Variants in IRGM observed in about 807,000 individuals in gnomAD.
The protein encoded by IRGM is immunity-related GTPase family M protein.
For missense variants in IRGM, 288 were observed against 219.9 expected, an observed-to-expected ratio of 1.31 and a Z score of -1.96; for synonymous variants, 98 against 80.6, an observed-to-expected ratio of 1.22 and a Z score of -1.16.
At position 150,846,678 on chromosome 5, in the gene IRGM, C is replaced by T. The variant is rs982588266; in HGVS notation, c.-958C>T. On this transcript the variant is annotated 5_prime_UTR_variant, in exon 1 of 2. Coordinates refer to ENST00000522154, the MANE Select transcript of IRGM (RefSeq NM_001145805.2). The stretch of plus-strand genomic sequence containing the variant: ...AGCATCACTCCTGAAACCTGTGAAA[C>T]AACGAACCCCCCGGGGAGAAACGAA... The T allele has an allele frequency of 2.2e-5, 3 of 135,522 alleles. No individual in the cohort carries two copies. The highest frequency in any genetic ancestry group is 1.4e-4 in the Admixed American group (2 of 14,228). 8.4% of individuals were successfully genotyped at this position (135,522 alleles called of 1,614,324 possible).
chr5:150,859,412 G>C (rs1291951263), intron 1 of IRGM, among the ~76,000 whole-genome samples: 2 of 152,156 alleles, frequency 1.3e-5, no homozygotes, highest in Admixed American at 1.3e-4. Context: ...TCTCTGCCAG[G>C]CTTTGGTATC....
downstream of IRGM, among the ~76,000 whole-genome samples, chr5:150,848,997 T>C (rs1463156256): frequency 6.6e-6 from 1 of 151,448 alleles, no homozygotes; most frequent in African/African-American, 2.4e-5. Context: ...TTTTCAAAGG[T>C]GTGGACAGGG....
intron 1 of IRGM, among the ~76,000 whole-genome samples, chr5:150,870,003 C>T (rs530149273): frequency 2.0e-5 from 3 of 152,178 alleles, no homozygotes; most frequent in Non-Finnish European, 2.9e-5. Flanking sequence ...TCCAAAAGAC[C>T]TCCAAAGCCT....
At chr5:150,886,626 G>T (rs1361919801) in intron 3 of IRGM, among the ~76,000 whole-genome samples, 2 of 151,774 alleles carry the variant, frequency 1.3e-5, no homozygotes, top group African/African-American at 4.8e-5. Context: ...GTTCAATCTT[G>T]GGAGCATGTA....
At chr5:150,848,723 T>G, downstream of IRGM, 1 of 1,288,460 alleles carries the variant, frequency 7.8e-7, no homozygotes, top group South Asian at 1.5e-5. Flanking sequence ...CTTTTCTCCT[T>G]TATTTCACTG....
At chr5:150,854,186 A>G (rs940810566) in intron 1 of IRGM, among the ~76,000 whole-genome samples, 21 of 152,042 alleles carry the variant, frequency 1.4e-4, no homozygotes, top group African/African-American at 4.8e-4. Flanking sequence ...AATTGCACCC[A>G]ACACTTTGCT....
At chr5:150,858,533 C>T (rs1036038973) in intron 1 of IRGM, among the ~76,000 whole-genome samples, 59 of 152,218 alleles carry the variant, frequency 3.9e-4, no homozygotes, top group Non-Finnish European at 6.8e-4. Flanking sequence ...GCCATTTTCA[C>T]GATATTGATT....
chr5:150,896,222 G>A, intron 3 of IRGM: 1 of 1,613,538 alleles, frequency 6.2e-7, no homozygotes, highest in South Asian at 1.1e-5. Context: ...GTATAATAAG[G>A]GACGATTTCT....
intron 1 of IRGM, among the ~76,000 whole-genome samples, chr5:150,857,290 C>T (rs1050829407): frequency 6.6e-6 from 1 of 152,134 alleles, no homozygotes; most frequent in African/African-American, 2.4e-5. Context: ...CATAGTATTC[C>T]ATGTTGTATA....
intron 3 of IRGM, chr5:150,895,549 G>A: frequency 6.2e-7 from 1 of 1,613,542 alleles, no homozygotes; most frequent in African/African-American, 1.3e-5. Context: ...TGTAAAACAA[G>A]GTCTGACTTC....
rs374292208 is a variant in IRGM, at chr5:150,880,132, TCA to T, written c.*140+488_*140+489del. Among the ~76,000 whole-genome samples, 6 of 152,342 alleles carry T rather than the reference TCA, an allele frequency of 3.9e-5. No homozygotes were observed. In the East Asian group the frequency reaches 1.2e-3, roughly 29 times the overall value. On this transcript the variant is annotated intron_variant and NMD_transcript_variant, in intron 3 of 3. Coordinates refer to the IRGM transcript ENST00000520549. ...ATTAATTAAATAGTTTTGTATGACT[TCA>T]CTGTCATTATTTGTATAATTGTTTA...
At chr5:150,856,874 A>G (rs1754060998) in intron 1 of IRGM, among the ~76,000 whole-genome samples, 1 of 146,774 alleles carries the variant, frequency 6.8e-6, no homozygotes, top group African/African-American at 2.5e-5. Context: ...ATTAATTATT[A>G]ATTAATATTA....
rs904064839 is a variant in IRGM at position 150,859,375 on chromosome 5, G to C, written c.158+10721G>C. Among the ~76,000 whole-genome samples, 4 of 152,264 alleles carry C rather than the reference G, an allele frequency of 2.6e-5. No individual in the cohort carries two copies. In the South Asian group the frequency reaches 6.2e-4, roughly 24 times the overall value. On this transcript the variant is annotated intron_variant and NMD_transcript_variant, in intron 1 of 3. Coordinates refer to the IRGM transcript ENST00000520549. Reference sequence around the variant, plus strand: ...TGCATCGATGTTCATCAAGGATATTGGTCTAAAATTCTCTTTTTTGGCTGT... The same window carrying C: ...TGCATCGATGTTCATCAAGGATATTCGTCTAAAATTCTCTTTTTTGGCTGT...
At chr5:150,882,451 C>A (rs1397813300) in intron 3 of IRGM, among the ~76,000 whole-genome samples, 2 of 151,544 alleles carry the variant, frequency 1.3e-5, no homozygotes, top group Non-Finnish European at 1.5e-5. Context: ...TTTAAGTGAC[C>A]CAACTGTATG....
intron 1 of IRGM, among the ~76,000 whole-genome samples, chr5:150,874,600 C>G (rs1754335616): frequency 6.6e-6 from 1 of 152,134 alleles, no homozygotes; most frequent in Non-Finnish European, 1.5e-5. Context: ...TATTGAATGA[C>G]CCAAAAGGCT....
At chr5:150,890,087 G>T (rs771669071) in intron 3 of IRGM, among the ~76,000 whole-genome samples, 2 of 151,960 alleles carry the variant, frequency 1.3e-5, no homozygotes, top group African/African-American at 2.4e-5. Flanking sequence ...TATAGAATTT[G>T]AATTGTTGCC....
At chr5:150,851,526 T>A (rs975491332), downstream of IRGM, among the ~76,000 whole-genome samples, 1 of 152,212 alleles carries the variant, frequency 6.6e-6, no homozygotes, top group African/African-American at 2.4e-5. Flanking sequence ...AATTTTTGTA[T>A]ATGATTGAAT....
intron 1 of IRGM, among the ~76,000 whole-genome samples, chr5:150,876,448 C>A (rs1276820886): frequency 6.6e-6 from 1 of 152,188 alleles, no homozygotes; most frequent in Non-Finnish European, 1.5e-5. Context: ...TTCAATTTAA[C>A]TGGAAGTTAA....
In IRGM at chr5:150,896,359, T is replaced by C. The variant is rs1371775396; in HGVS notation, c.*141-4230T>C. Reference sequence around the variant, plus strand: ...CATGCACCACAATCATATGGTTTCTTTCCAGTATGAATTCTTTGATGTACA... The same window carrying C: ...CATGCACCACAATCATATGGTTTCTCTCCAGTATGAATTCTTTGATGTACA... On this transcript the variant is annotated intron_variant and NMD_transcript_variant, in intron 3 of 3. Transcript: ENST00000520549. 2 of 1,613,620 alleles carry C rather than the reference T, an allele frequency of 1.2e-6. No homozygotes were observed. Among genetic ancestry groups the C allele is most frequent in the Non-Finnish European group, 8.5e-7 (1 of 1,179,812 alleles).
Sources: gnomAD v4.1 joint callset for allele counts (sites outside exome capture counted in the v4.1 genomes callset) on GRCh38, gnomAD v4.1.1 for gene constraint, MANE v1.5 for transcripts, NCBI Gene and HGNC (gene_info 2026-07-23, HGNC 2026-07-21) for gene names.